The following GRIP2 variants were observed in gnomAD, a reference collection of about 807,000 sequenced individuals.
GRIP2 encodes the protein glutamate receptor-interacting protein 2.
In GRIP2, 58 loss-of-function variants were observed where a neutral mutation model predicts 108.3. That is an observed-to-expected ratio of 0.54 (90% CI 0.43 to 0.67). GRIP2 has a LOEUF of 0.67. Ranked by LOEUF, GRIP2 falls within the 30% of genes least tolerant of loss-of-function variation. The pLI, the probability that GRIP2 is intolerant of heterozygous loss-of-function variation, is 0.00. For missense variants in GRIP2, 1,278 were observed against 1,430.6 expected, an observed-to-expected ratio of 0.89 and a Z score of 1.72; for synonymous variants, 586 against 598.2, an observed-to-expected ratio of 0.98 and a Z score of 0.30.
intron 1 of GRIP2, among the ~76,000 whole-genome samples, chr3:14,531,698 G>A (rs1339265944): frequency 1.3e-5 from 2 of 152,216 alleles, no homozygotes; most frequent in Non-Finnish European, 2.9e-5. Flanking sequence ...GCTCAGAAAA[G>A]GGAGGTCTTT....
chr3:14,588,132 A>G, the GRIP2 span, among the ~76,000 whole-genome samples: 1 of 152,156 alleles, frequency 6.6e-6, no homozygotes, highest in Non-Finnish European at 1.5e-5. Flanking sequence ...AACCTGGGAG[A>G]CCGTTAGCTC....
Position 14,511,553 on chromosome 3 carries a change from G to A in GRIP2, c.1721-74C>T. The A allele has an allele frequency of 2.1e-6, 3 of 1,430,790 alleles. No individual in the cohort carries two copies. Among genetic ancestry groups the A allele is most frequent in the Non-Finnish European group, 2.9e-6 (3 of 1,024,858 alleles). 88.6% of individuals were successfully genotyped at this position (1,430,790 alleles called of 1,614,324 possible). A position where few individuals can be genotyped will look rare whatever the true frequency, so the allele number is the denominator to read the frequency against. ...GTGGGGTGGCGAAGCCCAGGGGTCT[G>A]AGTGTGGACTCGGAGCCACTGGTCC... On this transcript the variant is annotated intron_variant, in intron 14 of 23. Transcript: ENST00000621039. This position sits in a 1 kb window ranked among gnomAD's most constrained non-coding sequence, Gnocchi z 4.1.
intron 1 of GRIP2, among the ~76,000 whole-genome samples, chr3:14,527,052 T>A (rs549408767): frequency 6.6e-6 from 1 of 152,212 alleles, no homozygotes; most frequent in Admixed American, 6.5e-5. Context: ...CCGGGCATGG[T>A]GGTGCATGCC....
chr3:14,573,627 C>T, the GRIP2 span: 7 of 1,499,262 alleles, frequency 4.7e-6, no homozygotes, highest in South Asian at 2.3e-5. Flanking sequence ...GCAGCAGGGC[C>T]GTCCTGTGAT....
the GRIP2 span, among the ~76,000 whole-genome samples, chr3:14,580,967 T>C: frequency 6.6e-6 from 1 of 151,870 alleles, no homozygotes; most frequent in Non-Finnish European, 1.5e-5. Flanking sequence ...GAGACCCTGC[T>C]TGAGCCTGCC....
At chr3:14,562,176 C>G in the GRIP2 span, among the ~76,000 whole-genome samples, 2 of 152,200 alleles carry the variant, frequency 1.3e-5, no homozygotes, top group Admixed American at 1.3e-4. Flanking sequence ...AGACTCTGGA[C>G]TCTAAATTCC....
chr3:14,510,543 G>A lies in GRIP2; in HGVS notation c.1934-579C>T, dbSNP rs768637769. ...GCCTCCCAAAGTGAGGGGTGTACAG[G>A]TATGAGCCATTGCACCTGGCCCAAC... On this transcript the variant is annotated intron_variant, in intron 16 of 23. Coordinates refer to ENST00000621039, the MANE Select transcript of GRIP2 (RefSeq NM_001080423.4). 3.7e-4 allele frequency among the ~76,000 whole-genome samples: 56 copies of A among 152,074 alleles called. 1 individual carries two copies. The highest frequency in any genetic ancestry group is 1.3e-4 in the Non-Finnish European group (9 of 68,006).
the GRIP2 span, among the ~76,000 whole-genome samples, chr3:14,594,737 C>T: frequency 1.3e-5 from 2 of 152,362 alleles, no homozygotes; most frequent in East Asian, 1.9e-4. Flanking sequence ...CCCTTAGCTG[C>T]TGTGTGCCCT....
the GRIP2 span, chr3:14,572,850 C>T: frequency 1.8e-5 from 20 of 1,125,854 alleles, no homozygotes; most frequent in East Asian, 4.9e-5. Flanking sequence ...GCAGCCAGCT[C>T]GGTGGAGCTG....
chr3:14,527,017 T>C (rs1051913725), intron 1 of GRIP2, among the ~76,000 whole-genome samples: 6 of 152,058 alleles, frequency 3.9e-5, no homozygotes, highest in Non-Finnish European at 7.4e-5. Context: ...TGAAACCCCA[T>C]CTCTACAAAA....
intron 9 of GRIP2, among the ~76,000 whole-genome samples, chr3:14,518,726 C>T (rs1048705891): frequency 4.6e-5 from 7 of 152,218 alleles, no homozygotes; most frequent in Admixed American, 3.9e-4. Flanking sequence ...GCCCCCCTCC[C>T]CAGGGCTTGG....
chr3:14,503,199 G>A (rs571430598), intron 21 of GRIP2, among the ~76,000 whole-genome samples: 45 of 152,160 alleles, frequency 3.0e-4, no homozygotes, highest in Non-Finnish European at 5.6e-4. Context: ...AAACTGCCCC[G>A]TGTGCCTACA....
the GRIP2 span, chr3:14,572,881 C>T: frequency 3.2e-4 from 397 of 1,247,902 alleles, no homozygotes; most frequent in Non-Finnish European, 4.2e-4. Context: ...TCGTACTTCT[C>T]GCAGAAATTA....
the GRIP2 span, among the ~76,000 whole-genome samples, chr3:14,562,515 T>C: frequency 6.6e-6 from 1 of 152,226 alleles, no homozygotes; most frequent in Non-Finnish European, 1.5e-5. Flanking sequence ...TATGAACAGA[T>C]ACATGAAGGT....
chr3:14,540,990 G>T (rs1388858151), upstream of GRIP2, among the ~76,000 whole-genome samples: 3 of 152,348 alleles, frequency 2.0e-5, no homozygotes, highest in African/African-American at 7.2e-5. This position sits in a 1 kb window ranked among gnomAD's most constrained non-coding sequence, Gnocchi z 4.1. Flanking sequence ...AGTGAGCTGG[G>T]TGGAGGATCT....
At chr3:14,592,414 T>C in the GRIP2 span, among the ~76,000 whole-genome samples, 5 of 152,008 alleles carry the variant, frequency 3.3e-5, no homozygotes, top group African/African-American at 9.7e-5. Flanking sequence ...CTCCAGCTGG[T>C]AAAGGAGTCG....
chr3:14,573,946 C>A, the GRIP2 span: 16 of 1,098,542 alleles, frequency 1.5e-5, no homozygotes, highest in South Asian at 2.6e-5. Context: ...TCGCGCCCTG[C>A]GCGAATGAAG....
intron 23 of GRIP2, among the ~76,000 whole-genome samples, chr3:14,494,401 C>A (rs1031088500): frequency 1.3e-5 from 2 of 152,242 alleles, no homozygotes; most frequent in Non-Finnish European, 2.9e-5. Context: ...CGATGTCCCA[C>A]GCTTCCCAGG....
chr3:14,518,093 C>A (rs1559341804), intron 9 of GRIP2, among the ~76,000 whole-genome samples, 196 bp from the exon 10 acceptor site: 1 of 152,338 alleles, frequency 6.6e-6, no homozygotes, highest in East Asian at 1.9e-4. Flanking sequence ...TGCCACATGG[C>A]AGCCTGAGAG....
Sources: allele counts gnomAD v4.1 joint callset (sites outside exome capture counted in the v4.1 genomes callset), GRCh38; gene constraint gnomAD v4.1.1; non-coding constraint Gnocchi (gnomAD v3.1); transcripts MANE v1.5; gene names NCBI Gene and HGNC (gene_info 2026-07-23, HGNC 2026-07-21).